The following CIZ1 variants were observed in gnomAD, a reference collection of about 807,000 sequenced individuals.
CIZ1 encodes CDKN1A interacting zinc finger protein 1, also known as cip1-interacting zinc finger protein.
A neutral mutation model predicts 118.6 loss-of-function variants in CIZ1; 58 were observed. That is an observed-to-expected ratio of 0.49 (90% CI 0.40 to 0.61). The LOEUF (loss-of-function observed/expected upper bound fraction) is 0.61. CIZ1 is among the 20% of genes least tolerant of loss of function. CIZ1 has a pLI of 0.00. For synonymous variants in CIZ1, 448 were observed against 443.4 expected, an observed-to-expected ratio of 1.01 and a Z score of -0.13; for missense variants, 921 against 1,115.9, an observed-to-expected ratio of 0.83 and a Z score of 2.49.
rs773700801 is a variant in CIZ1 at position 128,177,707 on chromosome 9, C to A, written c.1677G>T (p.Arg559=). ...KVTILQSSDS[R]AFSTVPLTPV... is the part of the protein sequence containing the mutation. ...GTGTCAGGGGTACAGTGCTAAAGGC[C>A]CGGCTGTCACTGCTCTGCAGAATGG... Residue 559 remains arginine, a synonymous_variant, in exon 10 of 17, where the codon CGG becomes CGT. Coordinates refer to ENST00000372938, the MANE Select transcript of CIZ1 (RefSeq NM_001131016.2). 1.9e-6 allele frequency: 3 copies of A among 1,607,528 alleles called. No homozygotes were observed. Among genetic ancestry groups the A allele is most frequent in the Admixed American group, 3.4e-5 (2 of 59,252 alleles).
At chr9:128,192,938 G>A (rs2131037587), upstream of CIZ1, among the ~76,000 whole-genome samples, 1 of 152,314 alleles carries the variant, frequency 6.6e-6, no homozygotes, top group African/African-American at 2.4e-5. Flanking sequence ...CCGACGTTGG[G>A]CGGGCAGGGC....
intron 7 of CIZ1, 150 bp downstream of exon 7, chr9:128,180,265 G>T: frequency 1.6e-6 from 1 of 621,940 alleles, no homozygotes; most frequent in Non-Finnish European, 2.8e-6. Context: ...GCGGAAATAA[G>T]TAAGGCCTTC....
In CIZ1 at chr9:128,191,218, T is replaced by G; in HGVS notation, c.-6+214A>C. On this transcript the variant is annotated intron_variant, in intron 1 of 16. Coordinates refer to ENST00000372938, the MANE Select transcript of CIZ1 (RefSeq NM_001131016.2). This position sits in a 1 kb window ranked among gnomAD's most constrained non-coding sequence, Gnocchi z 5.5. ...TTCCTCACTCACAGCCCCTTTTCAA[T>G]ACCGCAACCCTCTCTGGGCCCCCGG... 9.4e-6 allele frequency: 3 copies of G among 319,146 alleles called. No homozygotes were observed. The highest frequency in any genetic ancestry group is 1.7e-5 in the Non-Finnish European group (3 of 172,876). The allele number at this position is 319,146 out of a possible 1,614,324, so 19.8% of individuals were successfully genotyped here.
At chr9:128,190,470 G>A in intron 2 of CIZ1, 26 bp from the exon 3 acceptor site, 1 of 1,555,974 alleles carries the variant, frequency 6.4e-7, no homozygotes, top group Non-Finnish European at 8.8e-7. Context: ...GGGTGTCAGA[G>A]GGTTATTTGG....
At position 128,203,744 on chromosome 9, in the gene CIZ1, C is replaced by A; in HGVS notation, c.-6+442G>T. ...GCAGCCCCCGACGCTGCACCCGCGG[C>A]CGGCGCGCCCCCCACCCCCAGCCGG... On this transcript the variant is annotated intron_variant, in intron 1 of 17. Coordinates refer to the CIZ1 transcript ENST00000372948. This position sits in a 1 kb window ranked among gnomAD's most constrained non-coding sequence, Gnocchi z 5.3. 1 of 1,015,906 alleles carries A rather than the reference C, an allele frequency of 9.8e-7. No homozygotes were observed. Among genetic ancestry groups the A allele is most frequent in the Non-Finnish European group, 1.3e-6 (1 of 791,864 alleles). 62.9% of individuals were successfully genotyped at this position (1,015,906 alleles called of 1,614,324 possible).
At chr9:128,191,603 G>C (rs930577565), upstream of CIZ1, 3 of 1,189,508 alleles carry the variant, frequency 2.5e-6, no homozygotes, top group African/African-American at 4.8e-5. This position sits in a 1 kb window ranked among gnomAD's most constrained non-coding sequence, Gnocchi z 5.5. Flanking sequence ...GGCCGGGGCA[G>C]CGCCCTCTGG....
upstream of CIZ1, among the ~76,000 whole-genome samples, chr9:128,195,253 A>G (rs1833348968): frequency 6.6e-6 from 1 of 152,198 alleles, no homozygotes; most frequent in South Asian, 2.1e-4. Flanking sequence ...AAACACCCAC[A>G]ATATGATGTG....
chr9:128,204,122 A>G (rs1194289985), intron 1 of CIZ1: 1 of 152,684 alleles, frequency 6.5e-6, no homozygotes. Flanking sequence ...CCCAGTCCCT[A>G]GAAGAGGACG....
chr9:128,178,283 C>T (rs1179915359), intron 9 of CIZ1, 86 bp downstream of exon 9: 28 of 1,467,826 alleles, frequency 1.9e-5, no homozygotes, highest in Non-Finnish European at 2.0e-5. Flanking sequence ...ACAAGGAGGC[C>T]CTGAGGTGGC....
chr9:128,191,570 A>G lies in CIZ1; in HGVS notation c.-144T>C. The G allele has an allele frequency of 9.1e-7, 1 of 1,104,700 alleles. No individual in the cohort carries two copies. The highest frequency in any genetic ancestry group is 1.1e-6 in the Non-Finnish European group (1 of 906,786). The allele number at this position is 1,104,700 out of a possible 1,614,324, so 68.4% of individuals were successfully genotyped here. ...GCTACTCCGGGGCCTGTGGGCTCGT[A>G]AGGCCCAAATGCGGGCGGGGCCGGC... On this transcript the variant is annotated 5_prime_UTR_variant, in exon 1 of 17. Coordinates refer to ENST00000372938, the MANE Select transcript of CIZ1 (RefSeq NM_001131016.2). The surrounding 1 kb of genome is among the most constrained non-coding windows in gnomAD (Gnocchi z 5.5).
At chr9:128,172,113 G>A (rs1376016705) in intron 11 of CIZ1, among the ~76,000 whole-genome samples, 1 of 118,858 alleles carries the variant, frequency 8.4e-6, no homozygotes, top group Non-Finnish European at 1.6e-5. Flanking sequence ...ACACCACTAC[G>A]CTCCAGCCTG....
rs868722100 is a variant in CIZ1 at position 128,172,167 on chromosome 9, A to G, written c.1944-2060T>C. The stretch of plus-strand genomic sequence containing the variant: ...TGTCTCAAAAAAAAAAAAAAAAAAA[A>G]AAAAAAAAAAGAAAAAAGAAAAGCC... On this transcript the variant is annotated intron_variant, in intron 11 of 16. Coordinates refer to ENST00000372938, the MANE Select transcript of CIZ1 (RefSeq NM_001131016.2). Among the ~76,000 whole-genome samples, 1,476 of 149,394 alleles carry G rather than the reference A, an allele frequency of 9.9e-3. 47 individuals are homozygous for G. Among genetic ancestry groups the G allele is most frequent in the African/African-American group, 0.035 (1,395 of 40,434 alleles).
rs1217888699 is a variant in CIZ1 at position 128,170,001 on chromosome 9, A to C, written c.2031+19T>G. 1 of 1,602,952 alleles carries C rather than the reference A, an allele frequency of 6.2e-7. No homozygotes were observed. The highest frequency in any genetic ancestry group is 8.5e-7 in the Non-Finnish European group (1 of 1,175,270). ...CAGACGGCAGTGCGGGTGCCTCTGC[A>C]GCGTGCAGGCCCTCCTACCTTGTGG... is the stretch of plus-strand genomic sequence containing the variant. On this transcript the variant is annotated intron_variant, in intron 12 of 16. Coordinates refer to ENST00000372938, the MANE Select transcript of CIZ1 (RefSeq NM_001131016.2).
rs201266746 is a variant in CIZ1, at chr9:128,180,955, G to A, written c.589-141C>T. 3,588 of 654,880 alleles carry A rather than the reference G, an allele frequency of 5.5e-3. 24 individuals are homozygous for A. The highest frequency in any genetic ancestry group is 7.5e-3 in the Non-Finnish European group (2,806 of 372,732). The allele number at this position is 654,880 out of a possible 1,614,324, so 40.6% of individuals were successfully genotyped here. A position where few individuals can be genotyped will look rare whatever the true frequency, so the allele number is the denominator to read the frequency against. On this transcript the variant is annotated intron_variant, in intron 5 of 16. Coordinates refer to ENST00000372938, the MANE Select transcript of CIZ1 (RefSeq NM_001131016.2). Reference sequence around the variant, plus strand: ...GTGGGCCTGGCCCCAGAGTTGCCGAGTGGATGATCTTAGTAAAAATGTCCC... The same window carrying A: ...GTGGGCCTGGCCCCAGAGTTGCCGAATGGATGATCTTAGTAAAAATGTCCC...
intron 11 of CIZ1, among the ~76,000 whole-genome samples, chr9:128,172,153 A>C: frequency 7.5e-6 from 1 of 133,000 alleles, no homozygotes; most frequent in East Asian, 4.0e-4. Flanking sequence ...GTCTCAAAAA[A>C]AAAAAAAAAA....
chr9:128,173,746 C>CAT (rs1830460210), intron 11 of CIZ1, among the ~76,000 whole-genome samples: 1 of 152,100 alleles, frequency 6.6e-6, no homozygotes, highest in Admixed American at 6.5e-5. Flanking sequence ...GTGGCTTGCA[C>CAT]CTGTAATCCC....
At chr9:128,172,524 C>G (rs1415379260) in intron 11 of CIZ1, among the ~76,000 whole-genome samples, 3 of 151,920 alleles carry the variant, frequency 2.0e-5, no homozygotes, top group Non-Finnish European at 2.9e-5. Flanking sequence ...TCTCACTCAG[C>G]GAAAATAAGG....
upstream of CIZ1, among the ~76,000 whole-genome samples, chr9:128,195,742 T>C (rs375185163): frequency 5.3e-5 from 8 of 152,216 alleles, no homozygotes; most frequent in African/African-American, 9.6e-5. Flanking sequence ...TACCCCCTCA[T>C]AGTGCAAGCC....
At chr9:128,187,733 A>G (rs1832558330) in intron 4 of CIZ1, 130 bp downstream of exon 4, 2 of 323,116 alleles carry the variant, frequency 6.2e-6, no homozygotes, top group Non-Finnish European at 1.1e-5. Context: ...TTCAACAGAC[A>G]AATATAAAAT....
Sources: allele counts gnomAD v4.1 joint callset (sites outside exome capture counted in the v4.1 genomes callset), GRCh38; gene constraint gnomAD v4.1.1; non-coding constraint Gnocchi (gnomAD v3.1); transcripts MANE v1.5; gene names NCBI Gene and HGNC (gene_info 2026-07-23, HGNC 2026-07-21).